SLCO4C1: variants seen among roughly 807,000 people sequenced by gnomAD.
SLCO4C1 encodes the protein solute carrier organic anion transporter family member 4C1.
A neutral mutation model predicts 72.1 loss-of-function variants in SLCO4C1; 58 were observed. That is an observed-to-expected ratio of 0.80 (90% CI 0.65 to 1.00). The LOEUF is 1.00. Ranked by LOEUF, SLCO4C1 falls within the 50% of genes least tolerant of loss-of-function variation. The pLI is 0.00. For synonymous variants in SLCO4C1, 297 were observed against 312.5 expected, an observed-to-expected ratio of 0.95 and a Z score of 0.52; for missense variants, 898 against 857.9, an observed-to-expected ratio of 1.05 and a Z score of -0.58.
intron 8 of SLCO4C1, among the ~76,000 whole-genome samples, chr5:102,254,683 G>A (rs935936472): frequency 2.6e-5 from 4 of 152,036 alleles, no homozygotes; most frequent in African/African-American, 9.7e-5. Context: ...ATGATTGTCA[G>A]CATGTTTCAG....
At chr5:102,261,642 G>T (rs1748946321) in intron 5 of SLCO4C1, among the ~76,000 whole-genome samples, 1 of 151,886 alleles carries the variant, frequency 6.6e-6, no homozygotes, top group Admixed American at 6.6e-5. Context: ...AAGCAGAATT[G>T]CAGATAAAAC....
chr5:102,270,783 T>C lies in SLCO4C1; in HGVS notation c.643A>G (p.Ser215Gly), dbSNP rs768596567. Residue 215 changes from serine to glycine, a missense_variant, in exon 3 of 13, where the codon AGC (serine) becomes GGC (glycine). Ser to Gly is a moderately conservative substitution (Grantham distance 56). Transcript: ENST00000310954. ...FEDTCVTTRNSTSCTSSTSSL... is the reference protein window; with the variant it reads ...FEDTCVTTRNGTSCTSSTSSL... ...GAAGTTGAAGATGTACAACTGGTGC[T>C]ATTCCTTGTTGTTACACAAGTGTCT... 1 of 1,600,188 alleles carries C rather than the reference T, an allele frequency of 6.2e-7. No homozygotes were observed.
chr5:102,243,079 C>T (rs946441866), intron 10 of SLCO4C1, among the ~76,000 whole-genome samples: 1 of 152,114 alleles, frequency 6.6e-6, no homozygotes, highest in Non-Finnish European at 1.5e-5. Flanking sequence ...CTCCTCGTGG[C>T]CTGGGTTGGA....
chr5:102,280,775 A>C (rs1214540898), intron 2 of SLCO4C1, among the ~76,000 whole-genome samples: 1 of 152,124 alleles, frequency 6.6e-6, no homozygotes, highest in African/African-American at 2.4e-5. Flanking sequence ...ACTCACTATC[A>C]GGAGAACAGC....
intron 2 of SLCO4C1, among the ~76,000 whole-genome samples, chr5:102,279,453 T>A (rs1371947059): frequency 6.6e-6 from 1 of 151,886 alleles, no homozygotes; most frequent in African/African-American, 2.4e-5. Context: ...CAAACAGAAA[T>A]CTATAGGCTC....
intron 11 of SLCO4C1, 43 bp downstream of exon 11, chr5:102,240,674 CA>C: frequency 6.5e-7 from 1 of 1,526,964 alleles, no homozygotes; most frequent in South Asian, 1.2e-5. Flanking sequence ...ACTAATGAAC[CA>C]AAATAGCCAA....
chr5:102,244,140 T>C (rs1748596174), intron 10 of SLCO4C1, among the ~76,000 whole-genome samples: 1 of 152,034 alleles, frequency 6.6e-6, no homozygotes, highest in Non-Finnish European at 1.5e-5. Flanking sequence ...TGAGCCAAGA[T>C]CATGGCCACT....
rs1748529528 is a variant in SLCO4C1 at position 102,240,983 on chromosome 5, A to G, written c.1812-201T>C. Among the ~76,000 whole-genome samples the G allele has an allele frequency of 2.0e-5, 3 of 152,134 alleles. 1 individual carries two copies. The South Asian group carries it at 6.2e-4, about 32-fold the overall frequency. ...AGAAAAATGTTATCTGACCTAAAAT[A>G]TTGCAAATAACACCAAAGAGTCACT... On this transcript the variant is annotated intron_variant, in intron 10 of 12. Transcript: ENST00000310954.
chr5:102,261,823 G>T, intron 5 of SLCO4C1, 89 bp downstream of exon 5: 1 of 1,290,090 alleles, frequency 7.8e-7, no homozygotes, highest in Admixed American at 2.7e-5. Flanking sequence ...GAAACAGGGT[G>T]AATCTATAGT....
rs764109556 is a variant in SLCO4C1 at position 102,239,349 on chromosome 5, T to A, written c.1916A>T (p.Asp639Val). 6.3e-6 allele frequency: 10 copies of A among 1,598,476 alleles called. No homozygotes were observed. The African/African-American group carries it at 1.3e-4, about 22-fold the overall frequency. Residue 639 changes from aspartate (D) to valine (V), a missense_variant, in exon 12 of 13, where the codon GAC (aspartate) becomes GTC (valine). Coordinates refer to ENST00000310954, the MANE Select transcript of SLCO4C1 (RefSeq NM_180991.5). ...PGPIIFGFTI[D>V]STCILWDIND... ...TATATCCCAAAGAATACATGTGCTG[T>A]CTATTGTGAAACCAAATATAATTGG... is the stretch of plus-strand genomic sequence containing the variant.
At chr5:102,271,698 CTGTGAACTAATTTT>C (rs1417433505) in intron 2 of SLCO4C1, among the ~76,000 whole-genome samples, 1 of 151,658 alleles carries the variant, frequency 6.6e-6, no homozygotes, top group Admixed American at 6.6e-5. Flanking sequence ...GCATTTTTTT[CTGTGAACTAATTTT>C]TCAATTAGTT....
rs1165357948 is a variant in SLCO4C1, at chr5:102,295,898, T to G, written c.355+10A>C. On this transcript the variant is annotated intron_variant, in intron 1 of 12. Coordinates refer to ENST00000310954, the MANE Select transcript of SLCO4C1 (RefSeq NM_180991.5). ...ACTGGCCCGAGCCTCAAGCGGGCGC[T>G]GGACTTTACCTTGCGTGACGGCCAA... 1 of 1,606,864 alleles carries G rather than the reference T, an allele frequency of 6.2e-7. No individual in the cohort carries two copies. The highest frequency in any genetic ancestry group is 8.5e-7 in the Non-Finnish European group (1 of 1,174,774).
At chr5:102,250,922 C>T (rs896203358) in intron 8 of SLCO4C1, among the ~76,000 whole-genome samples, 16 of 151,600 alleles carry the variant, frequency 1.1e-4, no homozygotes, top group Non-Finnish European at 2.1e-4. Context: ...ACGAGGCAGA[C>T]GTTTCAATGA....
intron 2 of SLCO4C1, among the ~76,000 whole-genome samples, chr5:102,271,114 A>C (rs1749145080): frequency 6.6e-6 from 1 of 152,008 alleles, no homozygotes; most frequent in African/African-American, 2.4e-5. Flanking sequence ...TACCCCATTT[A>C]ATTTTTTTAC....
chr5:102,268,678 A>C (rs968599258), intron 3 of SLCO4C1, among the ~76,000 whole-genome samples: 4 of 152,040 alleles, frequency 2.6e-5, no homozygotes, highest in Non-Finnish European at 5.9e-5. Flanking sequence ...TCATCTTAGT[A>C]GTTTGGCAGT....
chr5:102,288,451 G>T (rs1412144148), intron 2 of SLCO4C1, among the ~76,000 whole-genome samples: 1 of 152,064 alleles, frequency 6.6e-6, no homozygotes, highest in Non-Finnish European at 1.5e-5. Flanking sequence ...GATCTCTGCT[G>T]CTACCACCCC....
rs1400783405 is a variant in SLCO4C1, at chr5:102,290,358, A to C, written c.619+985T>G. 2.6e-5 allele frequency among the ~76,000 whole-genome samples: 4 copies of C among 152,176 alleles called. No homozygotes were observed. In the East Asian group the frequency reaches 7.7e-4, roughly 29 times the overall value. ...CCCACGCCTAGCTCAAACTCTCTTT[A>C]ACAAACAGTTTTGTTGGGAACAAAC... is the stretch of plus-strand genomic sequence containing the variant. On this transcript the variant is annotated intron_variant, in intron 2 of 12. Coordinates refer to ENST00000310954, the MANE Select transcript of SLCO4C1 (RefSeq NM_180991.5).
At chr5:102,279,052 A>T (rs986844297) in intron 2 of SLCO4C1, among the ~76,000 whole-genome samples, 3 of 151,824 alleles carry the variant, frequency 2.0e-5, no homozygotes, top group Middle Eastern at 3.2e-3. Context: ...CTAAAAGTTC[A>T]TTTTCTGAAA....
intron 3 of SLCO4C1, among the ~76,000 whole-genome samples, chr5:102,264,929 G>C (rs1007384468): frequency 6.6e-6 from 1 of 151,110 alleles, no homozygotes. Context: ...TGTCCTCTAG[G>C]CTCACCCATG....
Sources: gnomAD v4.1 joint callset for allele counts (sites outside exome capture counted in the v4.1 genomes callset) on GRCh38, gnomAD v4.1.1 for gene constraint, MANE v1.5 for transcripts, NCBI Gene and HGNC (gene_info 2026-07-23, HGNC 2026-07-21) for gene names.